The following CAP1 variants were observed in gnomAD, a reference collection of about 807,000 sequenced individuals.
CAP1 encodes the protein adenylyl cyclase-associated protein 1.
CAP1 carries 11 observed loss-of-function variants against 58.2 expected under a neutral mutation model. That is an observed-to-expected ratio of 0.19 (90% CI 0.12 to 0.31). CAP1 has a LOEUF of 0.31. Among genes scored for constraint, CAP1 ranks in the 10% least tolerant of loss-of-function variants. The probability of loss-of-function intolerance (pLI) is 1.00; values close to 1 mark genes in which losing one functional copy is unlikely to be tolerated. For synonymous variants in CAP1, 183 were observed against 213.8 expected (o/e 0.86, Z 1.26); for missense variants, 423 against 587.5 (o/e 0.72, Z 2.89).
Position 40,056,922 on chromosome 1 carries a change from C to T in CAP1, c.-10-2415C>T, listed in dbSNP as rs565634953. Among the ~76,000 whole-genome samples, 220 of 151,202 alleles carry T rather than the reference C, an allele frequency of 1.5e-3. 1 individual carries two copies. The highest frequency in any genetic ancestry group is 5.0e-4 in the Non-Finnish European group (34 of 67,818). ...CCACCAAGAGCAAAAAAAACAGTTT[C>T]TGTTCTTTTGTATTTGGTTAATGGT... On this transcript the variant is annotated intron_variant, in intron 1 of 12. Coordinates refer to ENST00000372805, the MANE Select transcript of CAP1 (RefSeq NM_006367.4).
intron 8 of CAP1, among the ~76,000 whole-genome samples, 197 bp downstream of exon 8, chr1:40,067,914 GCC>G (rs1647173199): frequency 6.6e-6 from 1 of 152,246 alleles, no homozygotes. Context: ...GAAGCCATCT[GCC>G]CCATGGGAAA....
At chr1:40,069,144 T>A (rs889693376) in intron 8 of CAP1, among the ~76,000 whole-genome samples, 1 of 152,220 alleles carries the variant, frequency 6.6e-6, no homozygotes, top group Non-Finnish European at 1.5e-5. Context: ...TAGAAAGATA[T>A]TAAACTACAG....
intron 1 of CAP1, among the ~76,000 whole-genome samples, chr1:40,045,726 T>C (rs995677209): frequency 2.0e-5 from 3 of 152,130 alleles, no homozygotes; most frequent in Non-Finnish European, 4.4e-5. Context: ...CAGCTAATTT[T>C]TGTATTTTTA....
chr1:40,064,914 G>A (rs1255927563), intron 6 of CAP1, among the ~76,000 whole-genome samples: 1 of 152,154 alleles, frequency 6.6e-6, no homozygotes, highest in Non-Finnish European at 1.5e-5. Context: ...GTTACTTGCT[G>A]GAGTAGCACT....
chr1:40,054,193 C>CTTTTT (rs398052925), intron 1 of CAP1, among the ~76,000 whole-genome samples: 10 of 136,390 alleles, frequency 7.3e-5, no homozygotes, highest in African/African-American at 2.2e-4. Flanking sequence ...GCCCACTGTT[C>CTTTTT]TTTTTTTTTT....
chr1:40,060,021 C>A, intron 2 of CAP1, 46 bp from the exon 3 acceptor site: 1 of 1,487,208 alleles, frequency 6.7e-7, no homozygotes, highest in Non-Finnish European at 9.4e-7. Flanking sequence ...TTAAAGAAGC[C>A]TCCTTCTGAT....
chr1:40,047,416 T>C (rs1646154239), intron 1 of CAP1, among the ~76,000 whole-genome samples: 1 of 152,240 alleles, frequency 6.6e-6, no homozygotes, highest in Admixed American at 6.5e-5. Flanking sequence ...AAATGTTTAA[T>C]GGAAGGAGCA....
intron 1 of CAP1, among the ~76,000 whole-genome samples, chr1:40,058,941 G>C (rs148568981): frequency 2.0e-5 from 3 of 151,968 alleles, no homozygotes; most frequent in Admixed American, 2.0e-4. Flanking sequence ...ATCTCTAAGC[G>C]TGTAGTAATC....
Position 40,055,081 on chromosome 1 carries a change from G to T in CAP1, c.-10-4256G>T, listed in dbSNP as rs1330872821. Among the ~76,000 whole-genome samples the T allele has an allele frequency of 2.0e-5, 3 of 152,214 alleles. 1 individual carries two copies. Among genetic ancestry groups the T allele is most frequent in the African/African-American group, 4.8e-5 (2 of 41,446 alleles). ...CTTAGCTGAGACTTAAATGACAATAGGAGTTCTAGAGGGGCAGATGGGAAA... is the reference window on the plus strand; with the variant it reads ...CTTAGCTGAGACTTAAATGACAATATGAGTTCTAGAGGGGCAGATGGGAAA... On this transcript the variant is annotated intron_variant, in intron 1 of 12. Coordinates refer to ENST00000372805, the MANE Select transcript of CAP1 (RefSeq NM_006367.4).
chr1:40,049,844 C>T (rs1321944071), intron 1 of CAP1, among the ~76,000 whole-genome samples: 1 of 152,138 alleles, frequency 6.6e-6, no homozygotes, highest in African/African-American at 2.4e-5. Context: ...ATTTGCAAAT[C>T]AGGAGTCATC....
intron 6 of CAP1, 127 bp downstream of exon 6, chr1:40,064,686 C>G: frequency 1.4e-6 from 1 of 713,166 alleles, no homozygotes. Context: ...AACAATCCTC[C>G]CACCTCAGTC....
In CAP1 at chr1:40,072,253, A is replaced by T; in HGVS notation, c.*720A>T. 26 of 148,030 alleles carry T rather than the reference A, an allele frequency of 1.8e-4. No homozygotes were observed. The highest frequency in any genetic ancestry group is 1.6e-3 in the Middle Eastern group (1 of 630). The allele number at this position is 148,030 out of a possible 1,614,324, so 9.2% of individuals were successfully genotyped here. On this transcript the variant is annotated 3_prime_UTR_variant, in exon 13 of 13. Transcript: ENST00000372805. ...TTCCTATAGAGATGACTTTAAAAGG[A>T]AAAAAAAAAAAAAAAAAACCCACAT...
At chr1:40,061,088 A>G (rs1476055353) in intron 3 of CAP1, among the ~76,000 whole-genome samples, 1 of 152,134 alleles carries the variant, frequency 6.6e-6, no homozygotes, top group Non-Finnish European at 1.5e-5. Context: ...TGACCCTTAG[A>G]AAGAAAGAAC....
In CAP1 at chr1:40,072,182, A is replaced by G. The variant is rs1648162790; in HGVS notation, c.*649A>G. On this transcript the variant is annotated 3_prime_UTR_variant, in exon 13 of 13. Coordinates refer to ENST00000372805, the MANE Select transcript of CAP1 (RefSeq NM_006367.4). ...CAGTGCCCTTCATCCAGGGCAGTTA[A>G]TGGAGTCTTGGACCCTTTCTTTCTC... 1 of 384,752 alleles carries G rather than the reference A, an allele frequency of 2.6e-6. No homozygotes were observed. Among genetic ancestry groups the G allele is most frequent in the South Asian group, 1.4e-4 (1 of 7,106 alleles). 23.8% of individuals were successfully genotyped at this position (384,752 alleles called of 1,614,324 possible). A position where few individuals can be genotyped will look rare whatever the true frequency, so the allele number is the denominator to read the frequency against.
intron 1 of CAP1, among the ~76,000 whole-genome samples, chr1:40,045,284 A>C (rs1444228989): frequency 1.3e-5 from 2 of 152,162 alleles, no homozygotes; most frequent in Non-Finnish European, 2.9e-5. Flanking sequence ...ATGATTGTAC[A>C]ATGTCCCCAA....
chr1:40,064,539 C>G lies in CAP1; in HGVS notation c.504C>G (p.Val168=). ...NDAAMFYTNR[V]LKEYKDVDKK... ...CCGCCATGTTTTATACAAACCGAGT[C>G]CTCAAAGAGTACAAAGATGTGTAAG... is the stretch of plus-strand genomic sequence containing the variant. The change falls in exon 6 of 13, where the codon GTC becomes GTG. Residue 168 remains valine, a synonymous_variant. Coordinates refer to ENST00000372805, the MANE Select transcript of CAP1 (RefSeq NM_006367.4). 6.2e-7 allele frequency: 1 copy of G among 1,613,002 alleles called. No homozygotes were observed. The highest frequency in any genetic ancestry group is 8.5e-7 in the Non-Finnish European group (1 of 1,179,460).
At position 40,072,508 on chromosome 1, in the gene CAP1, CACTT is replaced by C. The variant is rs557225660; in HGVS notation, c.*978_*981del. The stretch of plus-strand genomic sequence containing the variant: ...CAGTTGTTTTTCCCTCTAGGACAAA[CACTT>C]ACCAAAATATGCAACTTTTTTTTGG... On this transcript the variant is annotated 3_prime_UTR_variant, in exon 13 of 13. Coordinates refer to ENST00000372805, the MANE Select transcript of CAP1 (RefSeq NM_006367.4). The C allele has an allele frequency of 7.0e-3, 1,118 of 158,910 alleles. 12 individuals carry two copies. Among genetic ancestry groups the C allele is most frequent in the Non-Finnish European group, 0.01 (733 of 72,488 alleles). 9.8% of individuals were successfully genotyped at this position (158,910 alleles called of 1,614,324 possible). A position where few individuals can be genotyped will look rare whatever the true frequency, so the allele number is the denominator to read the frequency against.
In CAP1 at chr1:40,066,365, T is replaced by G. The variant is rs1237819078; in HGVS notation, c.630+45T>G. On this transcript the variant is annotated intron_variant, in intron 7 of 12. Transcript: ENST00000372805. ...CTCCCTCCCTCCCTCCCACTTTCTC[T>G]CTCCAGCATGGGGTCCACAGGTTTC... is the stretch of plus-strand genomic sequence containing the variant. The G allele has an allele frequency of 8.2e-6, 7 of 857,022 alleles. No homozygotes were observed. In the South Asian group the frequency reaches 8.2e-5, roughly 10 times the overall value. The allele number at this position is 857,022 out of a possible 1,614,324, so 53.1% of individuals were successfully genotyped here.
chr1:40,064,884 G>A (rs886876255), intron 6 of CAP1, among the ~76,000 whole-genome samples: 1 of 152,162 alleles, frequency 6.6e-6, no homozygotes, highest in African/African-American at 2.4e-5. Flanking sequence ...TTCTCAAGGG[G>A]TAAAGGATAA....
Sources: gnomAD v4.1 joint callset for allele counts (sites outside exome capture counted in the v4.1 genomes callset) on GRCh38, gnomAD v4.1.1 for gene constraint, MANE v1.5 for transcripts, NCBI Gene and HGNC (gene_info 2026-07-23, HGNC 2026-07-21) for gene names.